ANO3: variants seen among roughly 807,000 people sequenced by gnomAD.
The protein encoded by ANO3 is anoctamin-3.
ANO3 carries 99 observed loss-of-function variants against 144.8 expected under a neutral mutation model. The observed-to-expected ratio is 0.68, with a 90% CI of 0.58 to 0.81. The LOEUF is 0.81. Ranked by LOEUF, ANO3 falls within the 30% of genes least tolerant of loss-of-function variation. ANO3 has a pLI of 0.00. For missense variants in ANO3, 905 were observed against 1,202.2 expected (o/e 0.75, Z 3.66); for synonymous variants, 414 against 392.6 (o/e 1.05, Z -0.64).
At chr11:26,616,136 A>G (rs1346871063) in intron 17 of ANO3, among the ~76,000 whole-genome samples, 3 of 152,092 alleles carry the variant, frequency 2.0e-5, no homozygotes, top group Admixed American at 1.3e-4. Flanking sequence ...TTTATCTTTT[A>G]TAGCTATGAA....
At chr11:26,606,722 A>G (rs184148173) in intron 17 of ANO3, among the ~76,000 whole-genome samples, 2 of 152,120 alleles carry the variant, frequency 1.3e-5, no homozygotes, top group Admixed American at 6.5e-5. Flanking sequence ...CTCTTTATCA[A>G]ATTTGCCAGT....
At chr11:26,525,706 A>G (rs988902329) in intron 7 of ANO3, 27 bp downstream of exon 7, 1 of 1,585,988 alleles carries the variant, frequency 6.3e-7, no homozygotes, top group Non-Finnish European at 8.6e-7. Flanking sequence ...TCATTTCTTT[A>G]TAACAAATTT....
At chr11:26,212,384 C>T (rs575283732) in intron 1 of ANO3, among the ~76,000 whole-genome samples, 6 of 146,336 alleles carry the variant, frequency 4.1e-5, no homozygotes, top group South Asian at 2.2e-4. Context: ...AAACAGACTG[C>T]GAGCCAGAAT....
In ANO3 at chr11:26,495,269, ATTT is replaced by A. The variant is rs57546253; in HGVS notation, c.433-12818_433-12816del. On this transcript the variant is annotated intron_variant, in intron 4 of 26. Transcript: ENST00000256737. ...ACAGACGTGCCACCACGGCTGGCTG[ATTT>A]TTTTTTTTTTTTTTTTCTGTAGAGA... Among the ~76,000 whole-genome samples, 735 of 120,964 alleles carry A rather than the reference ATTT, an allele frequency of 6.1e-3. 6 individuals carry two copies. The highest frequency in any genetic ancestry group is 7.5e-3 in the Non-Finnish European group (442 of 58,866). 79.4% of individuals were successfully genotyped at this position (120,964 alleles called of 152,430 possible). A position where few individuals can be genotyped will look rare whatever the true frequency, so the allele number is the denominator to read the frequency against.
chr11:26,656,450 C>T lies in ANO3; in HGVS notation c.2732C>T (p.Ala911Val). ...EFTLQYWHIL[A>V]ARLAFIIVFE... ...ACTTTACAATACTGGCATATCCTTGCTGCTAGATTGGCCTTCATTATTGTG... is the reference window on the plus strand; with the variant it reads ...ACTTTACAATACTGGCATATCCTTGTTGCTAGATTGGCCTTCATTATTGTG... Residue 911 changes from alanine (A) to valine (V), a missense_variant, in exon 26 of 27, where the codon GCT (alanine) becomes GTT (valine). By Grantham distance (64) the Ala-to-Val change is moderately conservative (BLOSUM62 0). Around this residue, in one of 4 missense-constraint regions of ANO3, gnomAD observed 597 missense variants for 865.1 expected, o/e 0.69. Coordinates refer to ENST00000256737, the MANE Select transcript of ANO3 (RefSeq NM_031418.4). The T allele has an allele frequency of 1.2e-6, 2 of 1,611,400 alleles. No homozygotes were observed. Among genetic ancestry groups the T allele is most frequent in the Non-Finnish European group, 1.7e-6 (2 of 1,177,626 alleles).
At chr11:26,590,049 C>T (rs1851399277) in intron 14 of ANO3, among the ~76,000 whole-genome samples, 2 of 152,122 alleles carry the variant, frequency 1.3e-5, no homozygotes, top group South Asian at 4.1e-4. Context: ...TAGAAACCAA[C>T]AGGGATAACA....
chr11:26,362,058 G>A (rs1342682277), intron 1 of ANO3, among the ~76,000 whole-genome samples: 1 of 152,120 alleles, frequency 6.6e-6, no homozygotes, highest in East Asian at 1.9e-4. Flanking sequence ...GAGGATGGCA[G>A]TTAAATAGGA....
At chr11:26,594,477 C>A (rs1404037481) in intron 14 of ANO3, among the ~76,000 whole-genome samples, 1 of 152,152 alleles carries the variant, frequency 6.6e-6, no homozygotes, top group Non-Finnish European at 1.5e-5. Flanking sequence ...ATATAGCCAT[C>A]AAGGTTATCT....
intron 20 of ANO3, among the ~76,000 whole-genome samples, chr11:26,635,707 G>C (rs1488105904): frequency 6.6e-6 from 1 of 152,162 alleles, no homozygotes; most frequent in Non-Finnish European, 1.5e-5. Flanking sequence ...AATTATGAAT[G>C]AGATGGATAA....
chr11:26,214,532 C>G (rs1235125369), intron 1 of ANO3, among the ~76,000 whole-genome samples: 4 of 151,908 alleles, frequency 2.6e-5, no homozygotes, highest in Non-Finnish European at 5.9e-5. Flanking sequence ...AATAGTTTGA[C>G]TTCCCTTCAT....
chr11:26,258,611 C>T (rs1029631826), intron 1 of ANO3, among the ~76,000 whole-genome samples: 4 of 152,152 alleles, frequency 2.6e-5, no homozygotes, highest in African/African-American at 9.7e-5. Flanking sequence ...AGTATTAATA[C>T]TTATTCTCTG....
chr11:26,198,544 T>G (rs1225180168), intron 1 of ANO3, among the ~76,000 whole-genome samples: 1 of 152,160 alleles, frequency 6.6e-6, no homozygotes, highest in Non-Finnish European at 1.5e-5. Flanking sequence ...AGACAGACTT[T>G]TATAAAGAAA....
intron 1 of ANO3, among the ~76,000 whole-genome samples, chr11:26,343,725 C>T (rs1263309474): frequency 2.0e-5 from 3 of 152,168 alleles, no homozygotes; most frequent in Non-Finnish European, 4.4e-5. Context: ...AATGTTGTTT[C>T]TGTATAATTT....
chr11:26,400,740 CAATT>C (rs1293184722), intron 1 of ANO3, among the ~76,000 whole-genome samples: 3 of 151,028 alleles, frequency 2.0e-5, no homozygotes, highest in Non-Finnish European at 4.4e-5. Context: ...ATATATTAAA[CAATT>C]AAAGAAAATG....
At chr11:26,240,364 A>T (rs1027868113) in intron 1 of ANO3, among the ~76,000 whole-genome samples, 8 of 152,158 alleles carry the variant, frequency 5.3e-5, no homozygotes, top group African/African-American at 1.9e-4. Context: ...TAATTATACC[A>T]GTGTTTCCTC....
chr11:26,643,475 G>A, intron 23 of ANO3, 141 bp downstream of exon 23: 1 of 1,062,946 alleles, frequency 9.4e-7, no homozygotes. Flanking sequence ...GATTAAGCTG[G>A]CCGGGCGTGG....
At chr11:26,373,653 A>G (rs1388824452) in intron 1 of ANO3, among the ~76,000 whole-genome samples, 2 of 152,228 alleles carry the variant, frequency 1.3e-5, no homozygotes, top group East Asian at 3.8e-4. Context: ...CAAGTTGCAG[A>G]TATATGTATC....
chr11:26,503,414 G>A (rs1045686404), intron 4 of ANO3, among the ~76,000 whole-genome samples: 1 of 151,988 alleles, frequency 6.6e-6, no homozygotes, highest in Admixed American at 6.6e-5. Context: ...TAAAGCAATA[G>A]GTTTGAACAT....
intron 24 of ANO3, among the ~76,000 whole-genome samples, chr11:26,649,745 AATAT>A (rs869048756): frequency 1.4e-5 from 2 of 145,622 alleles, no homozygotes; most frequent in African/African-American, 2.4e-5. Flanking sequence ...TCAAAAAAAA[AATAT>A]ATATTCATAG....
Sources: allele counts gnomAD v4.1 joint callset (sites outside exome capture counted in the v4.1 genomes callset), GRCh38; gene constraint gnomAD v4.1.1; regional missense constraint gnomAD v4.1.1; transcripts MANE v1.5; gene names NCBI Gene and HGNC (gene_info 2026-07-23, HGNC 2026-07-21).